The following MMEL1 variants were observed in gnomAD, a reference collection of about 807,000 sequenced individuals.
The protein encoded by MMEL1 is membrane metallo-endopeptidase-like 1.
In MMEL1, 98 loss-of-function variants were observed where a neutral mutation model predicts 117.1. The ratio of observed to expected loss-of-function variants is 0.84; its 90% CI spans 0.71 to 0.99. The LOEUF (loss-of-function observed/expected upper bound fraction) is 0.99. Among genes scored for constraint, MMEL1 ranks in the 50% least tolerant of loss-of-function variants. The pLI is 0.00. For synonymous variants in MMEL1, 390 were observed against 415.1 expected (o/e 0.94, Z 0.74); for missense variants, 1,014 against 1,049.1 (o/e 0.97, Z 0.46).
intron 11 of MMEL1, among the ~76,000 whole-genome samples, chr1:2,599,144 C>T (rs1028551806): frequency 3.3e-5 from 5 of 152,188 alleles, no homozygotes. Context: ...ACCCATTTGG[C>T]TTCACCAGTG....
intron 13 of MMEL1, 88 bp from the exon 14 acceptor site, chr1:2,596,777 C>T (rs992702153): frequency 1.3e-6 from 2 of 1,508,370 alleles, no homozygotes; most frequent in Non-Finnish European, 1.8e-6. Context: ...GGTGAGCAGA[C>T]CCACCTATCC....
Position 2,594,703 on chromosome 1 carries a change from A to G in MMEL1, c.1688+87T>C. On this transcript the variant is annotated intron_variant, in intron 17 of 23. Coordinates refer to ENST00000378412, the MANE Select transcript of MMEL1 (RefSeq NM_033467.4). ...GGCACTGGACCCCAGCCACGCATCC[A>G]GTCCCCCGCCTGGCAGGCAGCCCTG... is the stretch of plus-strand genomic sequence containing the variant. 6.7e-6 allele frequency: 8 copies of G among 1,194,230 alleles called. No individual in the cohort carries two copies. In the South Asian group the frequency reaches 1.1e-4, roughly 16 times the overall value. 74.0% of individuals were successfully genotyped at this position (1,194,230 alleles called of 1,614,324 possible). A position where few individuals can be genotyped will look rare whatever the true frequency, so the allele number is the denominator to read the frequency against.
At chr1:2,614,825 G>T (rs1468964544) in intron 2 of MMEL1, among the ~76,000 whole-genome samples, 1 of 151,312 alleles carries the variant, frequency 6.6e-6, no homozygotes, top group Non-Finnish European at 1.5e-5. Flanking sequence ...AAAAATGGTT[G>T]ATTATACAAC....
At chr1:2,597,216 C>A (rs1453606279) in intron 13 of MMEL1, among the ~76,000 whole-genome samples, 1 of 152,116 alleles carries the variant, frequency 6.6e-6, no homozygotes, top group Non-Finnish European at 1.5e-5. Flanking sequence ...CCTGCCACAC[C>A]TTCTGGGCTG....
chr1:2,604,705 T>G (rs2100940817), intron 9 of MMEL1, among the ~76,000 whole-genome samples: 1 of 152,254 alleles, frequency 6.6e-6, no homozygotes, highest in Non-Finnish European at 1.5e-5. Context: ...CTTCCCGGCC[T>G]GAGTGTCTGG....
intron 2 of MMEL1, among the ~76,000 whole-genome samples, chr1:2,627,452 A>G (rs1299394579): frequency 1.3e-5 from 2 of 152,204 alleles, no homozygotes; most frequent in Non-Finnish European, 2.9e-5. Flanking sequence ...GATCTAGTGG[A>G]TGTAGATAGA....
Position 2,604,135 on chromosome 1 carries a change from C to CCCCCCCCAAAAATT in MMEL1, c.951+11_951+12insAATTTTTGGGGGGG. 1.3e-6 allele frequency: 2 copies of CCCCCCCCAAAAATT among 1,520,164 alleles called. No individual in the cohort carries two copies. Among genetic ancestry groups the CCCCCCCCAAAAATT allele is most frequent in the Non-Finnish European group, 1.8e-6 (2 of 1,100,356 alleles). The allele number at this position is 1,520,164 out of a possible 1,614,324, so 94.2% of individuals were successfully genotyped here. ...CTCGCTGCCCGCTCCCCACCCGCCCCGGCCCCCTTACCTTGGCCAGCTGTG... is the reference window on the plus strand; with the variant it reads ...CTCGCTGCCCGCTCCCCACCCGCCCCCCCCCCCAAAAATTGGCCCCCTTACCTTGGCCAGCTGTG... On this transcript the variant is annotated intron_variant, in intron 10 of 23. Coordinates refer to ENST00000378412, the MANE Select transcript of MMEL1 (RefSeq NM_033467.4).
At position 2,591,599 on chromosome 1, in the gene MMEL1, A is replaced by G. The variant is rs1557514613; in HGVS notation, c.2198T>C (p.Ile733Thr). Residue 733 changes from isoleucine (I) to threonine (T), a missense_variant, in exon 23 of 24, where the codon ATC becomes ACC. Transcript: ENST00000378412. ...WCGSYRPEFA[I>T]QSIKTDVHSP... ...GTGGACGTCTGTCTTGATGGATTGG[A>G]TGGCGAACTCGGGCCGGTAGGACCC... is the stretch of plus-strand genomic sequence containing the variant. 1 of 1,588,618 alleles carries G rather than the reference A, an allele frequency of 6.3e-7. No homozygotes were observed. The highest frequency in any genetic ancestry group is 1.4e-5 in the African/African-American group (1 of 71,818).
chr1:2,595,738 G>T lies in MMEL1; in HGVS notation c.1500+271C>A, dbSNP rs527280417. Among the ~76,000 whole-genome samples the T allele has an allele frequency of 1.3e-5, 2 of 152,234 alleles. No individual in the cohort carries two copies. The highest frequency in any genetic ancestry group is 1.9e-4 in the East Asian group (1 of 5,156). On this transcript the variant is annotated intron_variant, in intron 15 of 23. Coordinates refer to ENST00000378412, the MANE Select transcript of MMEL1 (RefSeq NM_033467.4). The surrounding 1 kb of genome is among the most constrained non-coding windows in gnomAD (Gnocchi z 4.8). ...CGCTACCCCCGCTGGCTCATGGGGG[G>T]TGCTGGGGATGTCCCAGGCCTGGTT...
rs533316401 is a variant in MMEL1 at position 2,606,283 on chromosome 1, T to A, written c.715A>T (p.Asn239Tyr). The change falls in exon 8 of 24, where the codon AAC (asparagine) becomes TAC (tyrosine). Residue 239 changes from asparagine (N) to tyrosine (Y), a missense_variant. Asn to Tyr is a moderately radical substitution (Grantham distance 143, BLOSUM62 -2). Transcript: ENST00000378412. ...RRVLIDLFIW[N>Y]DDQNSSRHII... ...TGCCGGCTGGAGTTCTGGTCGTCGT[T>A]CCAGATGAAGAGGTCGATGAGGACG... The A allele has an allele frequency of 9.9e-4, 1,593 of 1,613,206 alleles. 22 individuals carry two copies. The South Asian group carries it at 0.016, about 16-fold the overall frequency.
chr1:2,598,753 G>GAT lies in MMEL1; in HGVS notation c.1077_1078dup (p.Ser360TyrfsTer53). ...TGGCAGCAGCTTGATTTTGACAGAG[G>GAT]ATAGCACAGTTTGTATGAACAGAGT... On this transcript the variant is annotated frameshift_variant, in exon 12 of 24. Transcript: ENST00000378412. LOFTEE classifies it high-confidence loss of function. 6.2e-7 allele frequency: 1 copy of GAT among 1,614,076 alleles called. No homozygotes were observed. The highest frequency in any genetic ancestry group is 8.5e-7 in the Non-Finnish European group (1 of 1,179,998).
chr1:2,605,486 A>G, intron 9 of MMEL1, 72 bp downstream of exon 9: 3 of 1,358,362 alleles, frequency 2.2e-6, no homozygotes, highest in African/African-American at 1.4e-5. Context: ...CCAGGTGGGC[A>G]ACGGGAAGGC....
At chr1:2,626,639 TGGA>T (rs1281468858) in intron 2 of MMEL1, among the ~76,000 whole-genome samples, 1 of 152,276 alleles carries the variant, frequency 6.6e-6, no homozygotes, top group Non-Finnish European at 1.5e-5. Context: ...ACAGTTGTTT[TGGA>T]GGAGTAGAAT....
chr1:2,603,755 C>A lies in MMEL1; in HGVS notation c.1041+129G>T, dbSNP rs1644971970. On this transcript the variant is annotated intron_variant, in intron 11 of 23. Transcript: ENST00000378412. The stretch of plus-strand genomic sequence containing the variant: ...GTTTGGGTGATCAGGTACAGGGTCT[C>A]CCTGCTCGGGGATGGGGAATGTTTC... The A allele has an allele frequency of 6.4e-6, 5 of 785,760 alleles. No individual in the cohort carries two copies. In the South Asian group the frequency reaches 6.7e-5, roughly 11 times the overall value. 48.7% of individuals were successfully genotyped at this position (785,760 alleles called of 1,614,324 possible).
chr1:2,624,079 C>A (rs1364548856), intron 2 of MMEL1, among the ~76,000 whole-genome samples: 1 of 152,152 alleles, frequency 6.6e-6, no homozygotes, highest in Admixed American at 6.5e-5. Context: ...CATCCCCAGC[C>A]CCAGGTATAC....
chr1:2,615,241 T>C (rs1053508131), intron 2 of MMEL1, among the ~76,000 whole-genome samples: 1 of 152,106 alleles, frequency 6.6e-6, no homozygotes, highest in Admixed American at 6.5e-5. Context: ...AAAAAGTAAC[T>C]TGCAGCGCAG....
intron 1 of MMEL1, among the ~76,000 whole-genome samples, chr1:2,631,707 T>C (rs1348150023): frequency 6.6e-6 from 1 of 152,156 alleles, no homozygotes; most frequent in Non-Finnish European, 1.5e-5. Flanking sequence ...CGCCCTCTGC[T>C]GTGCCCCTAG....
rs750829021 is a variant in MMEL1 at position 2,604,282 on chromosome 1, C to A, written c.817-1G>T. 1.9e-6 allele frequency: 3 copies of A among 1,612,436 alleles called. No individual in the cohort carries two copies. Among genetic ancestry groups the A allele is most frequent in the Non-Finnish European group, 2.5e-6 (3 of 1,179,818 alleles). On this transcript the variant is annotated splice_acceptor_variant, in intron 9 of 23. Coordinates refer to ENST00000378412, the MANE Select transcript of MMEL1 (RefSeq NM_033467.4). LOFTEE classifies it high-confidence loss of function. ...TGAACTGCAGGTAGGCTTCCCGCAC[C>A]TGGGCCAAAGGACGCCGGGCAGAGC...
intron 6 of MMEL1, among the ~76,000 whole-genome samples, chr1:2,609,034 TACACACACACACACAC>T (rs70956312): frequency 0.039 from 5,709 of 144,598 alleles, 289 homozygotes; most frequent in African/African-American, 0.12. Context: ...ATCCATATAA[TACACACACACACACAC>T]ACACACACAC....
Sources: gnomAD v4.1 joint callset for allele counts (sites outside exome capture counted in the v4.1 genomes callset) on GRCh38, gnomAD v4.1.1 for gene constraint, Gnocchi (gnomAD v3.1) non-coding constraint, MANE v1.5 for transcripts, NCBI Gene and HGNC (gene_info 2026-07-23, HGNC 2026-07-21) for gene names.